Variants in CENPE observed in about 807,000 individuals in gnomAD.
CENPE encodes the protein centromere protein E.
CENPE carries 145 observed loss-of-function variants against 336.1 expected under a neutral mutation model. The ratio of observed to expected loss-of-function variants is 0.43; its 90% CI spans 0.38 to 0.50. The LOEUF (loss-of-function observed/expected upper bound fraction) is 0.50, where lower values mean the gene tolerates loss of function less well. Ranked by LOEUF, CENPE falls within the 20% of genes least tolerant of loss-of-function variation. The pLI, the probability that CENPE is intolerant of heterozygous loss-of-function variation, is 0.00. For missense variants in CENPE, 2,719 were observed against 3,023.3 expected, an observed-to-expected ratio of 0.90 and a Z score of 2.36; for synonymous variants, 1,013 against 984.8, an observed-to-expected ratio of 1.03 and a Z score of -0.54.
intron 43 of CENPE, among the ~76,000 whole-genome samples, chr4:103,121,457 T>A (rs1750611252): frequency 6.6e-6 from 1 of 152,154 alleles, no homozygotes; most frequent in South Asian, 2.1e-4. Context: ...TTTTGTTTAA[T>A]GAATGAGATA....
At chr4:103,167,729 G>A (rs1755044355) in intron 16 of CENPE, among the ~76,000 whole-genome samples, 1 of 152,222 alleles carries the variant, frequency 6.6e-6, no homozygotes. Context: ...ACACCCAGGT[G>A]GGAGTCCTGC....
At chr4:103,164,536 A>T (rs1272484487) in intron 16 of CENPE, among the ~76,000 whole-genome samples, 1 of 152,138 alleles carries the variant, frequency 6.6e-6, no homozygotes, top group Non-Finnish European at 1.5e-5. Context: ...TATGTAATTT[A>T]AAATTTCCTA....
intron 40 of CENPE, among the ~76,000 whole-genome samples, chr4:103,135,672 T>C (rs1241370599): frequency 6.6e-6 from 1 of 152,204 alleles, no homozygotes; most frequent in African/African-American, 2.4e-5. Context: ...ATTTCTTCTG[T>C]ATTCTTTAGT....
chr4:103,114,347 A>C (rs1330967943), intron 46 of CENPE, 108 bp downstream of exon 46: 1 of 621,608 alleles, frequency 1.6e-6, no homozygotes, highest in African/African-American at 1.9e-5. Flanking sequence ...TTAGTGGCCA[A>C]CTTCTGTTTA....
intron 40 of CENPE, 26 bp from the exon 41 acceptor site, chr4:103,133,918 G>C: frequency 6.8e-7 from 1 of 1,465,588 alleles, no homozygotes; most frequent in Non-Finnish European, 9.4e-7. Flanking sequence ...TAAACAAATT[G>C]GTAAATGAAA....
intron 8 of CENPE, among the ~76,000 whole-genome samples, chr4:103,190,885 A>G (rs1757251405): frequency 6.6e-6 from 1 of 152,050 alleles, no homozygotes; most frequent in African/African-American, 2.4e-5. Flanking sequence ...AAATTTTTGC[A>G]ATCTACTCAT....
At chr4:103,149,025 T>C (rs1281951152) in intron 27 of CENPE, 26 bp from the exon 28 acceptor site, 14 of 1,604,750 alleles carry the variant, frequency 8.7e-6, no homozygotes, top group African/African-American at 1.4e-5. Flanking sequence ...TTAAAGAATA[T>C]TGTAATATTC....
intron 8 of CENPE, among the ~76,000 whole-genome samples, chr4:103,189,112 T>C (rs1757065637): frequency 6.6e-6 from 1 of 152,164 alleles, no homozygotes; most frequent in South Asian, 2.1e-4. Flanking sequence ...AATCTCTGAA[T>C]AGACCAAAAC....
Position 103,188,709 on chromosome 4 carries a change from A to C in CENPE, c.694-2848T>G, listed in dbSNP as rs1393561350. On this transcript the variant is annotated intron_variant, in intron 8 of 48. Transcript: ENST00000265148. ...AAAGCAGGAAAGATCTAAAATTGAC[A>C]CCCTAACATCACAATTAAAAGAACT... 3.3e-5 allele frequency among the ~76,000 whole-genome samples: 5 copies of C among 152,340 alleles called. 1 individual carries two copies. In the East Asian group the frequency reaches 5.8e-4, roughly 18 times the overall value.
chr4:103,173,896 G>A, intron 16 of CENPE, among the ~76,000 whole-genome samples: 1 of 151,844 alleles, frequency 6.6e-6, no homozygotes. Flanking sequence ...GGACAAAAGA[G>A]AATCCTTTTA....
rs777585361 is a variant in CENPE, at chr4:103,139,916, T to C, written c.6077A>G (p.Lys2026Arg). 11 of 1,613,362 alleles carry C rather than the reference T, an allele frequency of 6.8e-6. No homozygotes were observed. The highest frequency in any genetic ancestry group is 5.0e-5 in the Admixed American group (3 of 59,990). The stretch of plus-strand genomic sequence containing the variant: ...TATTTCTTCAAGGCTTTCATGAAGT[T>C]TCTTAGTCAACTGGAAGTTATCCAT... ...VRMDNFQLTK[K>R]LHESLEEIRI... The change falls in exon 38 of 49, where the codon AAA becomes AGA. Residue 2026 changes from lysine (K) to arginine (R), a missense_variant. Physicochemically the swap from Lys to Arg is conservative, Grantham distance 26 (BLOSUM62 2). Transcript: ENST00000265148.
At position 103,132,804 on chromosome 4, in the gene CENPE, A is replaced by G; in HGVS notation, c.6813T>C (p.Phe2271=). The change falls in exon 42 of 49, where the codon TTT becomes TTC. Residue 2271 remains phenylalanine, a synonymous_variant. Transcript: ENST00000265148. ...AACGAGTATTTAACCACTCTTCCAA[A>G]AACTGTGTCATTTCTTTCCTATTAC... ...VLSNRKEMTQ[F]LEEWLNTRFD... 1 of 1,582,544 alleles carries G rather than the reference A, an allele frequency of 6.3e-7. No individual in the cohort carries two copies. Among genetic ancestry groups the G allele is most frequent in the South Asian group, 1.1e-5 (1 of 88,550 alleles).
chr4:103,109,858 A>C (rs933288774), intron 47 of CENPE, among the ~76,000 whole-genome samples: 1 of 152,174 alleles, frequency 6.6e-6, no homozygotes, highest in African/African-American at 2.4e-5. Flanking sequence ...ATACCACTCC[A>C]TATTCTTCAA....
Position 103,144,318 on chromosome 4 carries a change from G to A in CENPE, c.5145+13C>T. The A allele has an allele frequency of 6.3e-7, 1 of 1,584,258 alleles. No homozygotes were observed. Among genetic ancestry groups the A allele is most frequent in the Non-Finnish European group, 8.6e-7 (1 of 1,166,002 alleles). ...GTCATAGTTACTAGAGGTGTAGAGA[G>A]ATGGTAACTCACTCTAGTTATAGTT... On this transcript the variant is annotated intron_variant, in intron 33 of 48. Coordinates refer to ENST00000265148, the MANE Select transcript of CENPE (RefSeq NM_001813.3).
At chr4:103,139,718 C>A in intron 38 of CENPE, 71 bp downstream of exon 38, 1 of 1,328,686 alleles carries the variant, frequency 7.5e-7, no homozygotes, top group Non-Finnish European at 1.0e-6. Context: ...GAAATAAAAA[C>A]ATTGTAATTC....
At chr4:103,181,491 C>T in intron 11 of CENPE, 35 bp from the exon 12 acceptor site, 1 of 1,519,066 alleles carries the variant, frequency 6.6e-7, no homozygotes, top group Non-Finnish European at 8.8e-7. Flanking sequence ...AAGTGTTCAA[C>T]ACTTAAAAAA....
intron 41 of CENPE, among the ~76,000 whole-genome samples, chr4:103,133,261 A>T (rs1479191351): frequency 1.3e-5 from 2 of 152,000 alleles, no homozygotes; most frequent in Non-Finnish European, 2.9e-5. Flanking sequence ...GCCCAGGCTG[A>T]TCTTGAACCC....
chr4:103,148,891 T>C lies in CENPE; in HGVS notation c.3796A>G (p.Ile1266Val), dbSNP rs762998446. 2.5e-6 allele frequency: 4 copies of C among 1,613,582 alleles called. No individual in the cohort carries two copies. The highest frequency in any genetic ancestry group is 1.7e-4 in the Middle Eastern group (1 of 6,056). The change falls in exon 28 of 49, where the codon ATA (isoleucine) becomes GTA (valine). Residue 1266 changes from isoleucine to valine, a missense_variant. By Grantham distance (29) the Ile-to-Val change is conservative. This residue lies in a region of CENPE where 2,437 missense variants were observed against 2,513.3 expected (regional missense o/e 0.97). Transcript: ENST00000265148. ...RSVSEKTAQIINTQDLEKSHT... is the reference protein window; with the variant it reads ...RSVSEKTAQIVNTQDLEKSHT... The stretch of plus-strand genomic sequence containing the variant: ...GATTTTTCTAAGTCCTGAGTATTTA[T>C]TATTTGAGCTGTCTTCTCAGATACG...
chr4:103,150,709 T>C lies in CENPE; in HGVS notation c.3396+510A>G, dbSNP rs181482439. On this transcript the variant is annotated intron_variant, in intron 26 of 48. Coordinates refer to ENST00000265148, the MANE Select transcript of CENPE (RefSeq NM_001813.3). Reference sequence around the variant, plus strand: ...ATATAGAAAGATCTCTATGGGTGCATTTTAGAATCTCTTGGGAACTACAGC... The same window carrying C: ...ATATAGAAAGATCTCTATGGGTGCACTTTAGAATCTCTTGGGAACTACAGC... Among the ~76,000 whole-genome samples the C allele has an allele frequency of 5.3e-5, 8 of 152,298 alleles. No homozygotes were observed. The East Asian group carries it at 1.4e-3, about 26-fold the overall frequency.
Sources: gnomAD v4.1 joint callset for allele counts (sites outside exome capture counted in the v4.1 genomes callset) on GRCh38, gnomAD v4.1.1 for gene constraint, gnomAD v4.1.1 regional missense constraint, MANE v1.5 for transcripts, NCBI Gene and HGNC (gene_info 2026-07-23, HGNC 2026-07-21) for gene names.